Variants in SNX27 observed in about 807,000 individuals in gnomAD.
SNX27 encodes sorting nexin 27.
A neutral mutation model predicts 71.6 loss-of-function variants in SNX27; 22 were observed. The ratio of observed to expected loss-of-function variants is 0.31; its 90% CI spans 0.22 to 0.44. The LOEUF is 0.44. SNX27 is among the 20% of genes least tolerant of loss of function. SNX27 has a pLI of 1.00. For missense variants in SNX27, 531 were observed against 698.6 expected (o/e 0.76, Z 2.70); for synonymous variants, 269 against 277.2 (o/e 0.97, Z 0.29).
In SNX27 at chr1:151,696,461, T is replaced by TTTTCTTTCTTTCTTTCTTTC. The variant is rs57979858; in HGVS notation, c.*2069_*2088dup. 67 of 126,076 alleles carry TTTTCTTTCTTTCTTTCTTTC rather than the reference T, an allele frequency of 5.3e-4. 1 individual carries two copies. The highest frequency in any genetic ancestry group is 1.2e-3 in the South Asian group (4 of 3,468). The allele number at this position is 126,076 out of a possible 1,614,324, so 7.8% of individuals were successfully genotyped here. A position where few individuals can be genotyped will look rare whatever the true frequency, so the allele number is the denominator to read the frequency against. ...TTTTGCAAATCATTGTGAGGCCACT[T>TTTTCTTTCTTTCTTTCTTTC]TTTCTTTCTTTCTTTCTTTCTTTCT... On this transcript the variant is annotated 3_prime_UTR_variant, in exon 12 of 12. Transcript: ENST00000458013.
chr1:151,651,212 C>T (rs1304386256), intron 2 of SNX27, among the ~76,000 whole-genome samples: 8 of 148,602 alleles, frequency 5.4e-5, no homozygotes, highest in Admixed American at 2.0e-4. Context: ...CCGGGCGGGG[C>T]GGCTGGCCGG....
At chr1:151,637,682 A>C (rs988648730) in intron 1 of SNX27, among the ~76,000 whole-genome samples, 3 of 152,144 alleles carry the variant, frequency 2.0e-5, no homozygotes, top group Non-Finnish European at 4.4e-5. Flanking sequence ...ATTAAATCCC[A>C]GGAGGCTAGC....
chr1:151,625,623 G>T (rs1458996247), intron 1 of SNX27, among the ~76,000 whole-genome samples: 1 of 151,808 alleles, frequency 6.6e-6, no homozygotes, highest in Non-Finnish European at 1.5e-5. Context: ...ATCACTTGAG[G>T]TCATGAGTTC....
chr1:151,616,865 T>C (rs1667446677), intron 1 of SNX27, among the ~76,000 whole-genome samples: 1 of 152,218 alleles, frequency 6.6e-6, no homozygotes, highest in Non-Finnish European at 1.5e-5. Context: ...TTAAGGGTTA[T>C]GATTCAGTAG....
At chr1:151,652,534 G>T (rs914884053) in intron 2 of SNX27, among the ~76,000 whole-genome samples, 11 of 148,898 alleles carry the variant, frequency 7.4e-5, no homozygotes, top group African/African-American at 2.7e-4. Context: ...TTAGCCTCCC[G>T]AGTAGCTGGG....
At chr1:151,660,944 T>A in intron 4 of SNX27, 82 bp downstream of exon 4, 1 of 1,017,656 alleles carries the variant, frequency 9.8e-7, no homozygotes, top group Non-Finnish European at 1.6e-6. Context: ...GATTATGCAT[T>A]AAATTTCCAT....
intron 1 of SNX27, chr1:151,615,576 T>A (rs1183261692): frequency 2.0e-5 from 8 of 401,226 alleles, no homozygotes; most frequent in Non-Finnish European, 2.4e-5. Flanking sequence ...AGTTTACCTC[T>A]GTTGTCCCAG....
At chr1:151,672,242 C>T (rs1185215181) in intron 7 of SNX27, among the ~76,000 whole-genome samples, 3 of 152,094 alleles carry the variant, frequency 2.0e-5, no homozygotes, top group Non-Finnish European at 4.4e-5. Context: ...TTTTCAGCAT[C>T]GGTTGAAATG....
intron 2 of SNX27, among the ~76,000 whole-genome samples, chr1:151,655,953 G>A (rs953160038): frequency 6.6e-6 from 1 of 152,080 alleles, no homozygotes; most frequent in Admixed American, 6.6e-5. Flanking sequence ...GGCCGGACAC[G>A]GGTCTCACAC....
At chr1:151,692,754 T>C (rs1475865119) in intron 9 of SNX27, among the ~76,000 whole-genome samples, 157 bp from the exon 10 acceptor site, 1 of 152,224 alleles carries the variant, frequency 6.6e-6, no homozygotes, top group Non-Finnish European at 1.5e-5. Context: ...CATTGGCTGC[T>C]TCCACTGATT....
intron 5 of SNX27, 115 bp from the exon 6 acceptor site, chr1:151,665,818 G>T: frequency 2.7e-6 from 2 of 732,758 alleles, no homozygotes; most frequent in East Asian, 2.7e-5. Flanking sequence ...ATTTTTGTGA[G>T]GCCAAGATGG....
In SNX27 at chr1:151,693,408, C is replaced by A. The variant is rs1454576598; in HGVS notation, c.1519-16C>A. The A allele has an allele frequency of 1.2e-6, 2 of 1,613,776 alleles. No individual in the cohort carries two copies. Among genetic ancestry groups the A allele is most frequent in the African/African-American group, 1.3e-5 (1 of 74,896 alleles). ...GCTCTTGAGAAGTTAGTGAGTGTCA[C>A]CACCTTTTTTTTCAGTTCAATTACA... On this transcript the variant is annotated splice_polypyrimidine_tract_variant and intron_variant, in intron 10 of 11. Coordinates refer to ENST00000458013, the MANE Select transcript of SNX27 (RefSeq NM_001330723.2).
At chr1:151,617,082 A>G (rs912081003) in intron 1 of SNX27, among the ~76,000 whole-genome samples, 1 of 152,124 alleles carries the variant, frequency 6.6e-6, no homozygotes, top group Non-Finnish European at 1.5e-5. Context: ...TCGAATTCCA[A>G]CCTAAGTGGA....
In SNX27 at chr1:151,696,498, T is replaced by TTTCTTTCGTTCTTTCATTCTTTCG. The variant is rs1671726353; in HGVS notation, c.*2096_*2097insATTCTTTCGTTCTTTCGTTCTTTC. ...CTTTCTTTCTTTCTTTCTTTCTTTC[T>TTTCTTTCGTTCTTTCATTCTTTCG]TTCTTTCGTTCTTTCGTTCTTTCGT... On this transcript the variant is annotated 3_prime_UTR_variant, in exon 12 of 12. Transcript: ENST00000458013. The TTTCTTTCGTTCTTTCATTCTTTCG allele has an allele frequency of 9.4e-6, 1 of 106,500 alleles. No individual in the cohort carries two copies. Among genetic ancestry groups the TTTCTTTCGTTCTTTCATTCTTTCG allele is most frequent in the East Asian group, 2.5e-4 (1 of 4,010 alleles). The allele number at this position is 106,500 out of a possible 1,614,324, so 6.6% of individuals were successfully genotyped here.
chr1:151,648,844 A>C (rs917287967), intron 2 of SNX27, among the ~76,000 whole-genome samples: 4 of 152,124 alleles, frequency 2.6e-5, no homozygotes, highest in Admixed American at 2.6e-4. Flanking sequence ...GTCTGTTGGC[A>C]ATGAATTCTC....
intron 2 of SNX27, among the ~76,000 whole-genome samples, chr1:151,655,277 C>A (rs1669632236): frequency 6.6e-6 from 1 of 152,110 alleles, no homozygotes; most frequent in African/African-American, 2.4e-5. Context: ...AAATTCCATG[C>A]AGATTTAGGG....
rs781657502 is a variant in SNX27, at chr1:151,612,459, C to CG, written c.265dup (p.Ala89GlyfsTer22). The CG allele has an allele frequency of 2.3e-5, 33 of 1,424,202 alleles. No homozygotes were observed. The highest frequency in any genetic ancestry group is 9.4e-5 in the Admixed American group (3 of 31,778). 88.2% of individuals were successfully genotyped at this position (1,424,202 alleles called of 1,614,324 possible). On this transcript the variant is annotated frameshift_variant, in exon 1 of 12. Transcript: ENST00000458013. LOFTEE classifies it high-confidence loss of function. The surrounding 1 kb of genome is among the most constrained non-coding windows in gnomAD (Gnocchi z 5.2). ...TGCAGCATGTGAGCGCCGTGCTGCC[C>CG]GGGGGGGCGGCCGATCGGGCCGGGG... is the stretch of plus-strand genomic sequence containing the variant.
At chr1:151,646,208 T>A (rs1163400831) in intron 2 of SNX27, among the ~76,000 whole-genome samples, 1 of 152,156 alleles carries the variant, frequency 6.6e-6, no homozygotes. Context: ...GGTTATTGTT[T>A]TCGTTGCTAT....
At chr1:151,691,605 G>A (rs1259301888) in intron 8 of SNX27, among the ~76,000 whole-genome samples, 3 of 151,522 alleles carry the variant, frequency 2.0e-5, no homozygotes, top group Non-Finnish European at 2.9e-5. Context: ...CGAGTAGCTG[G>A]AATTACAGGC....
Sources: allele counts gnomAD v4.1 joint callset (sites outside exome capture counted in the v4.1 genomes callset), GRCh38; gene constraint gnomAD v4.1.1; non-coding constraint Gnocchi (gnomAD v3.1); transcripts MANE v1.5; gene names NCBI Gene and HGNC (gene_info 2026-07-23, HGNC 2026-07-21).